The following TTC19 variants were observed in gnomAD, a reference collection of about 807,000 sequenced individuals.
TTC19 encodes tetratricopeptide repeat domain 19.
Under a neutral mutation model 49.5 loss-of-function variants are expected in TTC19, and 38 were observed. The ratio of observed to expected loss-of-function variants is 0.77; its 90% CI spans 0.59 to 1.01. TTC19 has a LOEUF of 1.01. Ranked by LOEUF, TTC19 falls within the 50% of genes least tolerant of loss-of-function variation. The pLI is 0.00. For missense variants in TTC19, 475 were observed against 477.7 expected, an observed-to-expected ratio of 0.99 and a Z score of 0.05; for synonymous variants, 204 against 185.2, an observed-to-expected ratio of 1.10 and a Z score of -0.83.
At chr17:16,014,595 C>T (rs1448727277) in intron 7 of TTC19, among the ~76,000 whole-genome samples, 2 of 152,144 alleles carry the variant, frequency 1.3e-5, no homozygotes, top group African/African-American at 4.8e-5. Flanking sequence ...CCCCCAGAAC[C>T]GAAGCTTTCT....
intron 2 of TTC19, among the ~76,000 whole-genome samples, chr17:16,000,965 C>G (rs1970709892): frequency 6.6e-6 from 1 of 152,204 alleles, no homozygotes; most frequent in Non-Finnish European, 1.5e-5. Context: ...AATACACTTA[C>G]AGTCCAGCAA....
At chr17:16,003,787 A>C in intron 4 of TTC19, 44 bp from the exon 5 acceptor site, 1 of 1,533,262 alleles carries the variant, frequency 6.5e-7, no homozygotes, top group Non-Finnish European at 9.0e-7. Flanking sequence ...ATATATATAA[A>C]ATGGGGCCCA....
intron 7 of TTC19, among the ~76,000 whole-genome samples, chr17:16,021,883 T>G (rs923071566): frequency 5.3e-5 from 8 of 152,216 alleles, no homozygotes; most frequent in Non-Finnish European, 1.0e-4. Context: ...AGAATAGTTT[T>G]GTGTCTTCCA....
downstream of TTC19, chr17:16,029,533 T>C (rs529316617): frequency 5.0e-5 from 13 of 262,086 alleles, no homozygotes; most frequent in East Asian, 1.2e-3. Flanking sequence ...AGAATACTTT[T>C]ATGAAGAGTA....
downstream of TTC19, chr17:16,029,954 C>G (rs115946329): frequency 6.3e-6 from 1 of 159,200 alleles, no homozygotes; most frequent in Non-Finnish European, 1.4e-5. Flanking sequence ...AGAAACTATA[C>G]GGTTGACCTT....
Position 16,009,021 on chromosome 17 carries a change from A to G in TTC19, c.676+2453A>G, listed in dbSNP as rs73978597. On this transcript the variant is annotated intron_variant, in intron 7 of 9. Transcript: ENST00000261647. ...AAGAAGGATAGAGACTTCATCCATT[A>G]TACTCAGTGCTAAATCCTCGGTGCC... 8.7e-5 allele frequency among the ~76,000 whole-genome samples: 13 copies of G among 149,542 alleles called. No homozygotes were observed. In the East Asian group the frequency reaches 2.3e-3, roughly 27 times the overall value.
intron 7 of TTC19, among the ~76,000 whole-genome samples, chr17:16,012,639 A>G (rs1192706285): frequency 1.3e-5 from 2 of 151,942 alleles, no homozygotes; most frequent in African/African-American, 4.8e-5. Context: ...CCTGGGTTCA[A>G]GTGATTCTCC....
intron 2 of TTC19, among the ~76,000 whole-genome samples, chr17:16,001,429 G>A (rs1164894664): frequency 6.6e-6 from 1 of 152,030 alleles, no homozygotes; most frequent in Admixed American, 6.6e-5. Flanking sequence ...GTTCTCCCCA[G>A]GTCCTTATTT....
downstream of TTC19, chr17:16,032,271 C>G: frequency 6.3e-7 from 1 of 1,585,034 alleles, no homozygotes; most frequent in African/African-American, 1.4e-5. Flanking sequence ...CTCTCCTGCA[C>G]CCTGTTCCCC....
At chr17:16,039,601 GC>G in intron 2 of TTC19, 1 of 1,614,104 alleles carries the variant, frequency 6.2e-7, no homozygotes, top group Non-Finnish European at 8.5e-7. Flanking sequence ...ATGTCTTCCA[GC>G]CCAAGATTAC....
At chr17:16,010,167 A>ATTTTTTTTTTTTTTTTTTTTT (rs1201745186) in intron 7 of TTC19, among the ~76,000 whole-genome samples, 1 of 108,208 alleles carries the variant, frequency 9.2e-6, no homozygotes, top group Non-Finnish European at 1.8e-5. Flanking sequence ...TTAATTTTTA[A>ATTTTTTTTTTTTTTTTTTTTT]TTTTTTTTTT....
Position 16,003,870 on chromosome 17 carries a change from G to A in TTC19, c.502G>A (p.Gly168Arg), listed in dbSNP as rs754994236. The change falls in exon 5 of 10, where the codon GGA becomes AGA. Residue 168 changes from glycine to arginine, a missense_variant. By Grantham distance (125) the Gly-to-Arg change is moderately radical. Coordinates refer to ENST00000261647, the MANE Select transcript of TTC19 (RefSeq NM_017775.4). ...LFKATMSYLL[G>R]GGMKQEDNAI... ...TAAAGCAACAATGAGTTACCTCCTT[G>A]GAGGGGGCATGAAGCAGGTAAGGAC... The A allele has an allele frequency of 1.2e-6, 2 of 1,613,642 alleles. No individual in the cohort carries two copies. Among genetic ancestry groups the A allele is most frequent in the Admixed American group, 1.7e-5 (1 of 59,964 alleles).
At chr17:16,034,954 A>G (rs1239881594) in intron 2 of TTC19, 1 of 1,613,242 alleles carries the variant, frequency 6.2e-7, no homozygotes, top group Admixed American at 1.7e-5. Context: ...CCTGAAAGTG[A>G]AATTCAAGTT....
intron 7 of TTC19, chr17:16,023,700 T>TA (rs1437435371): frequency 6.6e-6 from 1 of 152,196 alleles, no homozygotes; most frequent in East Asian, 1.9e-4. Flanking sequence ...AGAACACTTT[T>TA]AATAGTTTAT....
At chr17:16,013,293 A>G (rs1270921307) in intron 7 of TTC19, among the ~76,000 whole-genome samples, 1 of 152,250 alleles carries the variant, frequency 6.6e-6, no homozygotes, top group Non-Finnish European at 1.5e-5. Flanking sequence ...GAATTAGATC[A>G]GAATTCATTT....
chr17:16,010,167 A>ATTTT (rs1201745186), intron 7 of TTC19, among the ~76,000 whole-genome samples: 57 of 108,186 alleles, frequency 5.3e-4, no homozygotes, highest in South Asian at 8.8e-4. Flanking sequence ...TTAATTTTTA[A>ATTTT]TTTTTTTTTT....
At chr17:16,017,229 T>A (rs1037970956) in intron 7 of TTC19, among the ~76,000 whole-genome samples, 1 of 152,214 alleles carries the variant, frequency 6.6e-6, no homozygotes, top group Admixed American at 6.5e-5. Flanking sequence ...GGAATTTTTT[T>A]AAAACCTGAG....
At chr17:16,004,032 C>A in intron 5 of TTC19, 145 bp downstream of exon 5, 1 of 1,143,818 alleles carries the variant, frequency 8.7e-7, no homozygotes, top group Non-Finnish European at 1.3e-6. Context: ...AATTGCCATT[C>A]TTTCACTAAA....
intron 6 of TTC19, 47 bp downstream of exon 6, chr17:16,004,309 C>T: frequency 6.5e-7 from 1 of 1,547,510 alleles, no homozygotes; most frequent in Non-Finnish European, 8.9e-7. Context: ...GAAACTTTGA[C>T]TCTGGGATGT....
Sources: allele counts gnomAD v4.1 joint callset (sites outside exome capture counted in the v4.1 genomes callset), GRCh38; gene constraint gnomAD v4.1.1; transcripts MANE v1.5; gene names NCBI Gene and HGNC (gene_info 2026-07-23, HGNC 2026-07-21).